PCDHGA7: variants seen among roughly 807,000 people sequenced by gnomAD.
PCDHGA7 encodes the protein protocadherin gamma-A7.
A neutral mutation model predicts 58.3 loss-of-function variants in PCDHGA7; 44 were observed. That is an observed-to-expected ratio of 0.75 (90% CI 0.59 to 0.97). PCDHGA7 has a LOEUF of 0.97. Ranked by LOEUF, PCDHGA7 falls within the 50% of genes least tolerant of loss-of-function variation. The pLI is 0.00. For synonymous variants in PCDHGA7, 516 were observed against 504.2 expected (o/e 1.02, Z -0.31); for missense variants, 1,266 against 1,188.7 (o/e 1.06, Z -0.96).
intron 1 of PCDHGA7, among the ~76,000 whole-genome samples, chr5:141,457,057 C>T (rs1224573005): frequency 6.6e-6 from 1 of 152,182 alleles, no homozygotes; most frequent in Non-Finnish European, 1.5e-5. Flanking sequence ...TTCATGCTTC[C>T]TTTTTGCCAG....
At position 141,432,172 on chromosome 5, in the gene PCDHGA7, C is replaced by A. The variant is rs562175068; in HGVS notation, c.2424+46849C>A. ...AGAACAATCCCAGAGGAGTTTCCCT[C>A]GTCTCTGTGACCGCCCACGACCCCG... On this transcript the variant is annotated intron_variant, in intron 1 of 3. Coordinates refer to ENST00000518325, the MANE Select transcript of PCDHGA7 (RefSeq NM_018920.4). This position sits in a 1 kb window ranked among gnomAD's most constrained non-coding sequence, Gnocchi z 6.0. 5 of 1,614,152 alleles carry A rather than the reference C, an allele frequency of 3.1e-6. No homozygotes were observed. The South Asian group carries it at 4.4e-5, about 14-fold the overall frequency.
rs754340033 is a variant in PCDHGA7 at position 141,384,066 on chromosome 5, C to T, written c.1167C>T (p.Asn389=). 25 of 1,606,462 alleles carry T rather than the reference C, an allele frequency of 1.6e-5. No homozygotes were observed. Among genetic ancestry groups the T allele is most frequent in the Non-Finnish European group, 2.0e-5 (24 of 1,175,988 alleles). ...AGGTGACCTGCACCATTCCAGAAAA[C>T]CTACCTTTTAAATTAGAAAAATCAA... The part of the protein sequence containing the change: ...NGEVTCTIPE[N]LPFKLEKSID... Residue 389 remains asparagine, a synonymous_variant, in exon 1 of 4, where the codon AAC becomes AAT. Coordinates refer to ENST00000518325, the MANE Select transcript of PCDHGA7 (RefSeq NM_018920.4).
In PCDHGA7 at chr5:141,451,935, A is replaced by G. The variant is rs148815534; in HGVS notation, c.2425-42872A>G. Among the ~76,000 whole-genome samples, 120 of 152,282 alleles carry G rather than the reference A, an allele frequency of 7.9e-4. 5 individuals carry two copies. The East Asian group carries it at 0.017, about 21-fold the overall frequency. ...GAGGAAGGAAGGGAGGTAGGGAGGC[A>G]GGGAAAGACCGAGAAAGTGACATAC... On this transcript the variant is annotated intron_variant, in intron 1 of 3. Coordinates refer to ENST00000518325, the MANE Select transcript of PCDHGA7 (RefSeq NM_018920.4).
chr5:141,385,258 A>G lies in PCDHGA7; in HGVS notation c.2359A>G (p.Lys787Glu), dbSNP rs1490610927. ...DMLISQESCE[K>E]NDSLLTSVDF... is the part of the protein sequence containing the mutation. ...GCTCATCAGCCAGGAGAGCTGTGAG[A>G]AAAATGATTCTTTGCTAACATCCGT... Residue 787 changes from lysine (K) to glutamate (E), a missense_variant, in exon 1 of 4, where the codon AAA (lysine) becomes GAA (glutamate). Physicochemically the swap from Lys to Glu is moderately conservative, Grantham distance 56. Coordinates refer to ENST00000518325, the MANE Select transcript of PCDHGA7 (RefSeq NM_018920.4). 6 of 1,613,776 alleles carry G rather than the reference A, an allele frequency of 3.7e-6. No individual in the cohort carries two copies. In the South Asian group the frequency reaches 6.6e-5, roughly 18 times the overall value.
At chr5:141,438,631 TATATACACAC>T (rs1330021858) in intron 1 of PCDHGA7, among the ~76,000 whole-genome samples, 2,835 of 42,824 alleles carry the variant, frequency 0.066, 23 homozygotes, top group African/African-American at 0.13. Flanking sequence ...TATATATATA[TATATACACAC>T]ACACACACAC....
At chr5:141,500,877 A>ATT (rs369345007) in intron 2 of PCDHGA7, among the ~76,000 whole-genome samples, 3 of 122,284 alleles carry the variant, frequency 2.5e-5, no homozygotes, top group Admixed American at 2.4e-4. Flanking sequence ...TTCATTTACA[A>ATT]TTTTTTTTTT....
Position 141,487,893 on chromosome 5 carries a change from G to A in PCDHGA7, c.2425-6914G>A. Reference sequence around the variant, plus strand: ...AGCCAGGCTGTTGTGGAAGCATGATGATGGAATGTGGGAGCACAGGAGGCT... The same window carrying A: ...AGCCAGGCTGTTGTGGAAGCATGATAATGGAATGTGGGAGCACAGGAGGCT... On this transcript the variant is annotated intron_variant, in intron 1 of 3. Coordinates refer to ENST00000518325, the MANE Select transcript of PCDHGA7 (RefSeq NM_018920.4). The surrounding 1 kb of genome is among the most constrained non-coding windows in gnomAD (Gnocchi z 5.0). The A allele has an allele frequency of 1.4e-6, 1 of 731,472 alleles. No individual in the cohort carries two copies. The highest frequency in any genetic ancestry group is 2.2e-6 in the Non-Finnish European group (1 of 450,166). 45.3% of individuals were successfully genotyped at this position (731,472 alleles called of 1,614,324 possible). A position where few individuals can be genotyped will look rare whatever the true frequency, so the allele number is the denominator to read the frequency against.
At chr5:141,407,881 C>T in intron 1 of PCDHGA7, 2 of 375,244 alleles carry the variant, frequency 5.3e-6, no homozygotes, top group Non-Finnish European at 9.5e-6. Context: ...ATATACATTT[C>T]GGAGACCGAA....
Position 141,414,630 on chromosome 5 carries a change from C to A in PCDHGA7, c.2424+29307C>A. On this transcript the variant is annotated intron_variant, in intron 1 of 3. Coordinates refer to ENST00000518325, the MANE Select transcript of PCDHGA7 (RefSeq NM_018920.4). ...CAGTGACAGCGCTGGACCCGGACAG[C>A]AAAGAGAATGCCCAGATTATTTACT... 2 of 1,613,980 alleles carry A rather than the reference C, an allele frequency of 1.2e-6. No individual in the cohort carries two copies. Among genetic ancestry groups the A allele is most frequent in the Non-Finnish European group, 1.7e-6 (2 of 1,179,892 alleles).
chr5:141,470,650 T>C (rs2099235744), intron 1 of PCDHGA7, among the ~76,000 whole-genome samples: 1 of 152,184 alleles, frequency 6.6e-6, no homozygotes, highest in Non-Finnish European at 1.5e-5. Context: ...TGAAGGCCCC[T>C]ACCCTTTGGT....
rs775380177 is a variant in PCDHGA7, at chr5:141,422,666, C to T, written c.2424+37343C>T. The T allele has an allele frequency of 3.1e-6, 5 of 1,608,026 alleles. No individual in the cohort carries two copies. In the South Asian group the frequency reaches 3.3e-5, roughly 11 times the overall value. ...ATCTTCTCAGTGACCGCCCTCGACC[C>T]GGACAGCAAACAGAATGCCCTGGTC... On this transcript the variant is annotated intron_variant, in intron 1 of 3. Transcript: ENST00000518325.
rs2099521625 is a variant in PCDHGA7, at chr5:141,480,568, G to A, written c.2425-14239G>A. 2.0e-5 allele frequency among the ~76,000 whole-genome samples: 3 copies of A among 152,338 alleles called. No individual in the cohort carries two copies. The South Asian group carries it at 6.2e-4, about 32-fold the overall frequency. Reference sequence around the variant, plus strand: ...AAAGGCTAAGAAAGCATGAAAGCCAGCAAGAAATAACTGCCGCTCTTCTGG... The same window carrying A: ...AAAGGCTAAGAAAGCATGAAAGCCAACAAGAAATAACTGCCGCTCTTCTGG... On this transcript the variant is annotated intron_variant, in intron 1 of 3. Coordinates refer to ENST00000518325, the MANE Select transcript of PCDHGA7 (RefSeq NM_018920.4).
chr5:141,382,839 T>TA lies in PCDHGA7; in HGVS notation c.-60dup. 1 of 1,450,270 alleles carries TA rather than the reference T, an allele frequency of 6.9e-7. No homozygotes were observed. The highest frequency in any genetic ancestry group is 1.4e-5 in the South Asian group (1 of 72,190). 89.8% of individuals were successfully genotyped at this position (1,450,270 alleles called of 1,614,324 possible). Reference sequence around the variant, plus strand: ...CCTAAGACAGAGGGGTCCACCCGGATACACCCGCATTCTGAAGCACTTCCC... The same window carrying TA: ...CCTAAGACAGAGGGGTCCACCCGGATAACACCCGCATTCTGAAGCACTTCCC... On this transcript the variant is annotated 5_prime_UTR_variant, in exon 1 of 4. Coordinates refer to ENST00000518325, the MANE Select transcript of PCDHGA7 (RefSeq NM_018920.4).
intron 1 of PCDHGA7, chr5:141,394,322 G>C (rs1438978424): frequency 1.9e-6 from 3 of 1,613,842 alleles, no homozygotes; most frequent in Non-Finnish European, 2.5e-6. Context: ...CCCTGTCCTC[G>C]TATATCTCCA....
chr5:141,426,879 G>T, intron 1 of PCDHGA7: 1 of 456,710 alleles, frequency 2.2e-6, no homozygotes. Flanking sequence ...GAAGCCCCTG[G>T]GCCAGGAGCA....
intron 1 of PCDHGA7, among the ~76,000 whole-genome samples, chr5:141,444,714 CTTGGTGCCT>C (rs2098445168): frequency 6.6e-6 from 1 of 152,122 alleles, no homozygotes; most frequent in Non-Finnish European, 1.5e-5. Context: ...GTTGAATTTG[CTTGGTGCCT>C]TTGTTGAAAG....
At chr5:141,459,035 AC>A (rs1337856322) in intron 1 of PCDHGA7, among the ~76,000 whole-genome samples, 1 of 152,218 alleles carries the variant, frequency 6.6e-6, no homozygotes, top group Non-Finnish European at 1.5e-5. Flanking sequence ...ATCCAGCCTT[AC>A]CAGCTATATT....
chr5:141,383,164 A>G lies in PCDHGA7; in HGVS notation c.265A>G (p.Arg89Gly), dbSNP rs1778887278. Residue 89 changes from arginine to glycine, a missense_variant, in exon 1 of 4, where the codon AGG becomes GGG. Physicochemically the swap from Arg to Gly is moderately radical, Grantham distance 125 (BLOSUM62 -2). Coordinates refer to ENST00000518325, the MANE Select transcript of PCDHGA7 (RefSeq NM_018920.4). ...QRSGSLVTAG[R>G]IDREEICAQS... ...CAGCGGCAGCTTGGTCACTGCGGGC[A>G]GGATAGACCGGGAAGAGATCTGCGC... 1 of 1,614,016 alleles carries G rather than the reference A, an allele frequency of 6.2e-7. No homozygotes were observed. The highest frequency in any genetic ancestry group is 8.5e-7 in the Non-Finnish European group (1 of 1,179,972).
chr5:141,433,379 CTAT>C (rs2097594474), intron 1 of PCDHGA7, among the ~76,000 whole-genome samples: 1 of 151,230 alleles, frequency 6.6e-6, no homozygotes, highest in Non-Finnish European at 1.5e-5. Context: ...ATCTATCTAT[CTAT>C]CTATCTATCT....
Sources: gnomAD v4.1 joint callset for allele counts (sites outside exome capture counted in the v4.1 genomes callset) on GRCh38, gnomAD v4.1.1 for gene constraint, Gnocchi (gnomAD v3.1) non-coding constraint, MANE v1.5 for transcripts, NCBI Gene and HGNC (gene_info 2026-07-23, HGNC 2026-07-21) for gene names.